The following CDH18 variants were observed in gnomAD, a reference collection of about 807,000 sequenced individuals.
CDH18 encodes cadherin-18.
In CDH18, 31 loss-of-function variants were observed where a neutral mutation model predicts 67.9. The ratio of observed to expected loss-of-function variants is 0.46; its 90% CI spans 0.34 to 0.62. The LOEUF (loss-of-function observed/expected upper bound fraction) is 0.62, where lower values mean the gene tolerates loss of function less well. CDH18 is among the 20% of genes least tolerant of loss of function. CDH18 has a pLI of 0.01. For synonymous variants in CDH18, 362 were observed against 347.2 expected, an observed-to-expected ratio of 1.04 and a Z score of -0.48; for missense variants, 890 against 975.5, an observed-to-expected ratio of 0.91 and a Z score of 1.17.
chr5:20,263,123 C>A lies in CDH18; in HGVS notation c.-579-7618G>T, dbSNP rs141532714. Among the ~76,000 whole-genome samples, 220 of 152,116 alleles carry A rather than the reference C, an allele frequency of 1.4e-3. 1 individual carries two copies. Among genetic ancestry groups the A allele is most frequent in the African/African-American group, 5.1e-3 (211 of 41,522 alleles). ...AAATACACACACACAATTATGTACC[C>A]TCGAGCATGCATTGTTTTTTGTATT... On this transcript the variant is annotated intron_variant, in intron 1 of 14. Transcript: ENST00000507958.
chr5:19,590,151 A>G (rs1319712548), intron 7 of CDH18, among the ~76,000 whole-genome samples: 1 of 152,124 alleles, frequency 6.6e-6, no homozygotes, highest in Non-Finnish European at 1.5e-5. Context: ...GACACATTGA[A>G]GGAACTCAAA....
At chr5:19,582,953 T>C (rs766499590) in intron 7 of CDH18, among the ~76,000 whole-genome samples, 1 of 151,936 alleles carries the variant, frequency 6.6e-6, no homozygotes, top group African/African-American at 2.4e-5. Context: ...TAGCGGAACA[T>C]ATTTCATGTT....
At chr5:20,073,374 A>G (rs1188798323) in intron 2 of CDH18, among the ~76,000 whole-genome samples, 1 of 151,888 alleles carries the variant, frequency 6.6e-6, no homozygotes, top group Non-Finnish European at 1.5e-5. Context: ...AAGTTCTCAA[A>G]TGAATTTTAT....
chr5:19,994,776 G>T (rs1252059137), intron 2 of CDH18, among the ~76,000 whole-genome samples: 2 of 89,980 alleles, frequency 2.2e-5, no homozygotes, highest in African/African-American at 9.8e-5. Context: ...GAGAGAGAGA[G>T]AGAGAGAGAG....
intron 2 of CDH18, among the ~76,000 whole-genome samples, chr5:20,237,089 G>C (rs750497947): frequency 6.6e-6 from 1 of 151,892 alleles, no homozygotes; most frequent in African/African-American, 2.4e-5. Context: ...GCTCAATATA[G>C]TTTTTTATAA....
intron 5 of CDH18, among the ~76,000 whole-genome samples, chr5:19,626,453 G>A (rs965791378): frequency 6.6e-6 from 1 of 152,132 alleles, no homozygotes; most frequent in South Asian, 2.1e-4. Context: ...ATCATGAAGA[G>A]TGGCCTTGGA....
intron 2 of CDH18, among the ~76,000 whole-genome samples, chr5:19,926,294 T>C (rs1793082616): frequency 6.6e-6 from 1 of 152,160 alleles, no homozygotes; most frequent in South Asian, 2.1e-4. Context: ...TTTAAAACTA[T>C]AAAACAAATA....
intron 1 of CDH18, among the ~76,000 whole-genome samples, chr5:20,487,697 T>C (rs1753289035): frequency 6.6e-6 from 1 of 151,454 alleles, no homozygotes; most frequent in Non-Finnish European, 1.5e-5. Flanking sequence ...TGAAAACATT[T>C]TCATTATTAA....
chr5:19,695,231 A>G (rs1762390929), intron 5 of CDH18, among the ~76,000 whole-genome samples: 1 of 152,020 alleles, frequency 6.6e-6, no homozygotes, highest in African/African-American at 2.4e-5. Flanking sequence ...ATACACTCAT[A>G]TTTTTTTCCA....
At chr5:19,817,749 T>G (rs892966505) in intron 3 of CDH18, among the ~76,000 whole-genome samples, 3 of 152,022 alleles carry the variant, frequency 2.0e-5, no homozygotes, top group Non-Finnish European at 2.9e-5. Context: ...TCCCAAGACA[T>G]GTATGATATA....
chr5:19,870,983 A>G (rs16888157), intron 2 of CDH18, among the ~76,000 whole-genome samples: 10,808 of 152,168 alleles, frequency 0.071, 457 homozygotes, highest in South Asian at 0.16. Context: ...TCATTTGATC[A>G]CCATATCAGA....
chr5:20,452,875 C>G (rs1055509513), intron 1 of CDH18, among the ~76,000 whole-genome samples: 3 of 152,074 alleles, frequency 2.0e-5, no homozygotes, highest in Admixed American at 6.6e-5. Context: ...GCTAATCAAA[C>G]AGTCTGAAAT....
At chr5:19,669,169 TATC>T (rs1758382304) in intron 5 of CDH18, among the ~76,000 whole-genome samples, 1 of 146,708 alleles carries the variant, frequency 6.8e-6, no homozygotes, top group African/African-American at 2.5e-5. Flanking sequence ...ATATCATATA[TATC>T]ATAATAATAC....
chr5:19,840,864 G>A (rs1782238121), intron 2 of CDH18, among the ~76,000 whole-genome samples: 2 of 152,158 alleles, frequency 1.3e-5, no homozygotes, highest in Non-Finnish European at 2.9e-5. Context: ...TTAATAAAAA[G>A]TACTAAATAA....
rs578227911 is a variant in CDH18 at position 20,157,263 on chromosome 5, C to G, written c.-518+98181G>C. Among the ~76,000 whole-genome samples the G allele has an allele frequency of 2.6e-3, 394 of 152,208 alleles. 5 individuals carry two copies. The highest frequency in any genetic ancestry group is 3.6e-3 in the Non-Finnish European group (243 of 67,990). On this transcript the variant is annotated intron_variant, in intron 2 of 14. Coordinates refer to the CDH18 transcript ENST00000507958. ...AACTGCATTTGAAAAAGAAAAGCCT[C>G]AAATGAAGATTGACTACTGCATTCA... is the stretch of plus-strand genomic sequence containing the variant.
intron 3 of CDH18, among the ~76,000 whole-genome samples, chr5:19,768,595 T>C (rs1283158049): frequency 3.3e-5 from 5 of 152,158 alleles, no homozygotes. Context: ...TTAATATATA[T>C]ATTGGTTCCA....
intron 5 of CDH18, among the ~76,000 whole-genome samples, chr5:19,662,063 T>C (rs1757253771): frequency 6.6e-6 from 1 of 151,918 alleles, no homozygotes; most frequent in South Asian, 2.1e-4. Flanking sequence ...CTAATGGCAA[T>C]GCGTGGGTTC....
In CDH18 at chr5:19,709,687, A is replaced by G. The variant is rs374256744; in HGVS notation, c.643+11660T>C. Among the ~76,000 whole-genome samples the G allele has an allele frequency of 1.3e-4, 20 of 151,970 alleles. No individual in the cohort carries two copies. In the East Asian group the frequency reaches 3.7e-3, roughly 28 times the overall value. ...AAAGAAAGAAAAAGAAAAGAAAGAA[A>G]AGAAAAGGAAAAAAAAGAAAAGAAA... On this transcript the variant is annotated intron_variant, in intron 5 of 12. Transcript: ENST00000382275.
chr5:19,540,817 G>C (rs982795475), intron 9 of CDH18, among the ~76,000 whole-genome samples: 1 of 152,072 alleles, frequency 6.6e-6, no homozygotes, highest in Non-Finnish European at 1.5e-5. Context: ...TTCCCTCCTA[G>C]GTCTCTGGGT....
Sources: allele counts gnomAD v4.1 joint callset (sites outside exome capture counted in the v4.1 genomes callset), GRCh38; gene constraint gnomAD v4.1.1; transcripts MANE v1.5; gene names NCBI Gene and HGNC (gene_info 2026-07-23, HGNC 2026-07-21).